ASXL2: variants seen among roughly 807,000 people sequenced by gnomAD.
ASXL2 encodes putative Polycomb group protein ASXL2.
In ASXL2, 23 loss-of-function variants were observed where a neutral mutation model predicts 122.0. The observed-to-expected ratio is 0.19, with a 90% CI of 0.14 to 0.27. ASXL2 has a LOEUF of 0.27. Ranked by LOEUF, ASXL2 falls within the 10% of genes least tolerant of loss-of-function variation. The pLI is 1.00. For synonymous variants in ASXL2, 650 were observed against 637.0 expected (o/e 1.02, Z -0.31); for missense variants, 1,518 against 1,713.8 (o/e 0.89, Z 2.02).
rs901848761 is a variant in ASXL2 at position 25,736,302 on chromosome 2, C to T, written c.*5727G>A. ...CAACTCTACTTGCAGGCACCCATGT[C>T]ATCACCTGAATATAAATTTATCTTC... On this transcript the variant is annotated 3_prime_UTR_variant, in exon 13 of 13. Coordinates refer to ENST00000435504, the MANE Select transcript of ASXL2 (RefSeq NM_018263.6). 2 of 152,186 alleles carry T rather than the reference C, an allele frequency of 1.3e-5. No individual in the cohort carries two copies. Among genetic ancestry groups the T allele is most frequent in the African/African-American group, 4.8e-5 (2 of 41,444 alleles). The allele number at this position is 152,186 out of a possible 1,614,324, so 9.4% of individuals were successfully genotyped here. A position where few individuals can be genotyped will look rare whatever the true frequency, so the allele number is the denominator to read the frequency against.
chr2:25,824,968 G>GTCTATAATC lies in ASXL2; in HGVS notation c.143+10569_143+10570insGATTATAGA. ...AAGTTAAAAGTCTCAGCTTTAGCTT[G>GTCTATAATC]CTTTGTCTTGTCTATAATCCTTCTC... On this transcript the variant is annotated intron_variant, in intron 3 of 12. Coordinates refer to ENST00000435504, the MANE Select transcript of ASXL2 (RefSeq NM_018263.6). Among the ~76,000 whole-genome samples the GTCTATAATC allele has an allele frequency of 1.3e-5, 2 of 152,290 alleles. 1 individual carries two copies. The highest frequency in any genetic ancestry group is 4.1e-4 in the South Asian group (2 of 4,824).
chr2:25,765,470 G>A (rs115197358), intron 8 of ASXL2, among the ~76,000 whole-genome samples: 1,842 of 151,480 alleles, frequency 0.012, 44 homozygotes, highest in African/African-American at 0.042. Context: ...GCAACAGAGC[G>A]CGACTCCCTC....
chr2:25,806,929 A>G (rs926246859), intron 3 of ASXL2, among the ~76,000 whole-genome samples: 1 of 151,836 alleles, frequency 6.6e-6, no homozygotes, highest in Non-Finnish European at 1.5e-5. Flanking sequence ...ATAGAAAAAT[A>G]TAAAATATAA....
intron 1 of ASXL2, among the ~76,000 whole-genome samples, chr2:25,852,260 G>A (rs1243588496): frequency 6.6e-6 from 1 of 151,998 alleles, no homozygotes; most frequent in Non-Finnish European, 1.5e-5. Flanking sequence ...ATTTTTAAAG[G>A]GTGCTTAATA....
intron 1 of ASXL2, among the ~76,000 whole-genome samples, chr2:25,868,338 A>G (rs1238674980): frequency 6.6e-6 from 1 of 152,280 alleles, no homozygotes; most frequent in African/African-American, 2.4e-5. Context: ...GAACGCCATG[A>G]AAGTCCATTC....
In ASXL2 at chr2:25,768,742, C is replaced by A; in HGVS notation, c.631G>T (p.Ala211Ser). The change falls in exon 7 of 13, where the codon GCA becomes TCA. Residue 211 changes from alanine to serine, a missense_variant and splice_region_variant. By Grantham distance (99) the Ala-to-Ser change is moderately conservative (BLOSUM62 1). Coordinates refer to ENST00000435504, the MANE Select transcript of ASXL2 (RefSeq NM_018263.6). ...TTGAAAAACTGCCCAAACTGCCTAC[C>A]AGGTTTGGCAGGTACAGAGTCACTG... is the stretch of plus-strand genomic sequence containing the variant. ...AASDSVPAKP[A>S]TWEGKQSDGQ... 6.2e-7 allele frequency: 1 copy of A among 1,610,182 alleles called. No homozygotes were observed. The highest frequency in any genetic ancestry group is 1.1e-5 in the South Asian group (1 of 90,138).
intron 11 of ASXL2, 149 bp from the exon 12 acceptor site, chr2:25,750,562 G>C (rs1264827757): frequency 2.8e-6 from 2 of 723,216 alleles, no homozygotes; most frequent in African/African-American, 1.8e-5. Flanking sequence ...TAGTAGTAGT[G>C]AAAGTTCTGG....
intron 12 of ASXL2, among the ~76,000 whole-genome samples, chr2:25,748,859 A>G (rs947699723): frequency 1.3e-5 from 2 of 152,244 alleles, no homozygotes; most frequent in Admixed American, 1.3e-4. Flanking sequence ...AAGAATTTGA[A>G]AGATTTGACA....
intron 1 of ASXL2, among the ~76,000 whole-genome samples, chr2:25,870,496 C>T (rs1574457376): frequency 6.6e-6 from 1 of 152,110 alleles, no homozygotes; most frequent in Non-Finnish European, 1.5e-5. Context: ...TGCAGTCTGT[C>T]GCCAGGCTCC....
intron 5 of ASXL2, among the ~76,000 whole-genome samples, chr2:25,779,469 G>A (rs565393182): frequency 6.6e-6 from 1 of 151,940 alleles, no homozygotes; most frequent in South Asian, 2.1e-4. Context: ...TATAATTATT[G>A]ATTTGCTTAG....
At chr2:25,839,674 G>A (rs948968642) in intron 2 of ASXL2, among the ~76,000 whole-genome samples, 11 of 142,566 alleles carry the variant, frequency 7.7e-5, no homozygotes, top group Non-Finnish European at 1.7e-4. Context: ...CAGGGCTGGA[G>A]TGCAGTGGCA....
In ASXL2 at chr2:25,756,049, T is replaced by G. The variant is rs1411921445; in HGVS notation, c.1005A>C (p.Ala335=). The change falls in exon 10 of 13, where the codon GCA becomes GCC. Residue 335 remains alanine, a synonymous_variant. Transcript: ENST00000435504. ...AGAGTCTTTCCTTCCAGCCTTGGGC[T>G]GCTGAAGTGAAGAATTCATTGTTAA... The part of the protein sequence containing the change: ...SALNNEFFTS[A]AQGWKERLSE... 2 of 1,613,386 alleles carry G rather than the reference T, an allele frequency of 1.2e-6. No homozygotes were observed. The highest frequency in any genetic ancestry group is 2.7e-5 in the African/African-American group (2 of 75,004).
chr2:25,786,243 C>CTTATTTTTTTTT (rs2088743150), intron 5 of ASXL2, among the ~76,000 whole-genome samples: 1 of 112,420 alleles, frequency 8.9e-6, no homozygotes, highest in Non-Finnish European at 1.7e-5. Flanking sequence ...CCACATCATT[C>CTTATTTTTTTTT]TTTTTTTTTT....
chr2:25,865,550 G>A (rs1273456212), intron 1 of ASXL2, among the ~76,000 whole-genome samples: 5 of 151,550 alleles, frequency 3.3e-5, no homozygotes, highest in South Asian at 2.1e-4. Flanking sequence ...GGCGGATAAC[G>A]AGGTCAGGAG....
intron 4 of ASXL2, among the ~76,000 whole-genome samples, chr2:25,801,759 T>C (rs1447472928): frequency 6.6e-6 from 1 of 152,176 alleles, no homozygotes; most frequent in East Asian, 1.9e-4. Context: ...TCTCCATCTC[T>C]TTTACTAGTC....
intron 3 of ASXL2, among the ~76,000 whole-genome samples, chr2:25,820,361 T>C (rs1162504934): frequency 6.6e-6 from 1 of 152,222 alleles, no homozygotes; most frequent in East Asian, 1.9e-4. Context: ...TTGCAACTTT[T>C]CTAAGTCTGC....
chr2:25,831,318 AAG>A (rs1040742151), intron 3 of ASXL2, among the ~76,000 whole-genome samples: 1 of 151,734 alleles, frequency 6.6e-6, no homozygotes, highest in African/African-American at 2.4e-5. Context: ...AAAAAAAAAA[AAG>A]AGTATTCAAA....
Position 25,744,935 on chromosome 2 carries a change from CCACACACACACACACACACACACACA to C in ASXL2, c.1861-485_1861-460del, listed in dbSNP as rs10579555. Among the ~76,000 whole-genome samples the C allele has an allele frequency of 5.1e-5, 7 of 138,338 alleles. No individual in the cohort carries two copies. Among genetic ancestry groups the C allele is most frequent in the South Asian group, 2.5e-4 (1 of 3,996 alleles). The allele number at this position is 138,338 out of a possible 152,430, so 90.8% of individuals were successfully genotyped here. A position where few individuals can be genotyped will look rare whatever the true frequency, so the allele number is the denominator to read the frequency against. On this transcript the variant is annotated intron_variant, in intron 12 of 12. Coordinates refer to ENST00000435504, the MANE Select transcript of ASXL2 (RefSeq NM_018263.6). The surrounding 1 kb of genome is among the most constrained non-coding windows in gnomAD (Gnocchi z 4.7). ...GGGAAAATACTTGCTCTTCTCTGTT[CCACACACACACACACACACACACACA>C]CACACACACACACACACACTTGGGC...
intron 11 of ASXL2, 46 bp from the exon 12 acceptor site, chr2:25,750,459 G>T: frequency 6.7e-7 from 1 of 1,491,466 alleles, no homozygotes; most frequent in Non-Finnish European, 9.0e-7. Flanking sequence ...AATAGCCCAT[G>T]TTGCGAAAGC....
Sources: allele counts gnomAD v4.1 joint callset (sites outside exome capture counted in the v4.1 genomes callset), GRCh38; gene constraint gnomAD v4.1.1; non-coding constraint Gnocchi (gnomAD v3.1); transcripts MANE v1.5; gene names NCBI Gene and HGNC (gene_info 2026-07-23, HGNC 2026-07-21).